MYO15B: variants seen among roughly 807,000 people sequenced by gnomAD.
MYO15B encodes myosin XVB pseudogene.
A neutral mutation model predicts 119.3 loss-of-function variants in MYO15B; 207 were observed. The ratio of observed to expected loss-of-function variants is 1.73; its 90% confidence interval spans 1.55 to 1.95. MYO15B has a LOEUF of 1.95. Ranked by LOEUF, MYO15B falls within the 30% of genes most tolerant of loss-of-function variation. MYO15B has a pLI of 0.00. For missense variants in MYO15B, 2,264 were observed against 1,203.1 expected (o/e 1.88, Z -13.04); for synonymous variants, 966 against 498.9 (o/e 1.94, Z -12.48).
rs557274623 is a variant in MYO15B, at chr17:75,610,403, C to A, written c.4386+144C>A. On this transcript the variant is annotated intron_variant, in intron 22 of 63. Transcript: ENST00000645453. ...AGACACAGTGCTCCTTGAACTCATC[C>A]CTTTTCCCTCCGGCCGGGGTAGGCC... 9.3e-6 allele frequency: 5 copies of A among 536,996 alleles called. No homozygotes were observed. In the South Asian group the frequency reaches 1.3e-4, roughly 14 times the overall value. 33.3% of individuals were successfully genotyped at this position (536,996 alleles called of 1,614,324 possible). A position where few individuals can be genotyped will look rare whatever the true frequency, so the allele number is the denominator to read the frequency against.
At chr17:75,588,266 C>T (rs2056188569) in exon 1 of MYO15B, 1 of 398,166 alleles carries the variant, frequency 2.5e-6, no homozygotes, top group Admixed American at 4.4e-5. Flanking sequence ...AGGAAGCCCA[C>T]TGCAGAGGGG....
intron 41 of MYO15B, chr17:75,617,597 CAT>C (rs1484122168): frequency 1.7e-6 from 1 of 588,314 alleles, no homozygotes; most frequent in African/African-American, 1.9e-5. Flanking sequence ...CTGACATGGT[CAT>C]AGAAGACCCA....
intron 12 of MYO15B, among the ~76,000 whole-genome samples, chr17:75,596,075 C>T (rs1163178093): frequency 6.6e-6 from 1 of 152,206 alleles, no homozygotes; most frequent in Non-Finnish European, 1.5e-5. Flanking sequence ...TGAGGGAGCA[C>T]TTCCTATAGG....
At chr17:75,617,062 G>A (rs1465385529) in intron 40 of MYO15B, 23 bp from the exon 41 acceptor site, 5 of 687,134 alleles carry the variant, frequency 7.3e-6, no homozygotes, top group African/African-American at 3.5e-5. Flanking sequence ...CTCAGCCCGT[G>A]TACTTTCTCC....
intron 60 of MYO15B, 48 bp downstream of exon 60, chr17:75,625,286 T>C: frequency 1.5e-6 from 1 of 663,576 alleles, no homozygotes; most frequent in Non-Finnish European, 2.8e-6. Flanking sequence ...TTCTCTAAGG[T>C]CAAGGCCATT....
exon 14 of MYO15B, chr17:75,596,863 C>T (rs1459004718): frequency 2.8e-6 from 2 of 702,772 alleles, no homozygotes; most frequent in Non-Finnish European, 5.2e-6. Flanking sequence ...CCCACAGCCT[C>T]CTGAGTATCC....
chr17:75,625,504 C>A (rs1178286235), intron 60 of MYO15B, 23 bp from the exon 61 acceptor site: 4 of 702,832 alleles, frequency 5.7e-6, no homozygotes, highest in Non-Finnish European at 5.2e-6. Context: ...AGGGGCCAAA[C>A]TGACCCTGGT....
chr17:75,605,792 C>T, intron 20 of MYO15B, 72 bp from the exon 21 acceptor site: 1 of 648,522 alleles, frequency 1.5e-6, no homozygotes, highest in Non-Finnish European at 2.8e-6. Flanking sequence ...AGGGAGGAGG[C>T]TGAGACCAGA....
rs1420970782 is a variant in MYO15B at position 75,623,943 on chromosome 17, C to T, written c.8157-6C>T. The T allele has an allele frequency of 1.4e-6, 1 of 703,030 alleles. No individual in the cohort carries two copies. The highest frequency in any genetic ancestry group is 2.6e-6 in the Non-Finnish European group (1 of 385,008). The allele number at this position is 703,030 out of a possible 1,614,324, so 43.5% of individuals were successfully genotyped here. A position where few individuals can be genotyped will look rare whatever the true frequency, so the allele number is the denominator to read the frequency against. ...CAGCCTGAAGCCCGAGCGCTCTGCC[C>T]TGCAGGGAACACTGCACTCGAGGCT... On this transcript the variant is annotated splice_polypyrimidine_tract_variant and splice_region_variant and intron_variant, in intron 54 of 63. Transcript: ENST00000645453.
exon 14 of MYO15B, chr17:75,596,881 C>T (rs1233501316): frequency 4.3e-6 from 3 of 702,036 alleles, no homozygotes; most frequent in African/African-American, 3.5e-5. Flanking sequence ...TCCTGGACGC[C>T]CAGACATGGC....
chr17:75,614,133 C>A lies in MYO15B; in HGVS notation c.5220-66C>A, dbSNP rs1161291954. On this transcript the variant is annotated intron_variant, in intron 29 of 63. Transcript: ENST00000645453. ...TCCTCAGCCCCCTGCCCCCTTGGCC[C>A]ACCCTGTGGTCCTTGCCCCCTTCTG... 6 of 681,382 alleles carry A rather than the reference C, an allele frequency of 8.8e-6. No homozygotes were observed. In the African/African-American group the frequency reaches 1.1e-4, roughly 12 times the overall value. The allele number at this position is 681,382 out of a possible 1,614,324, so 42.2% of individuals were successfully genotyped here. A position where few individuals can be genotyped will look rare whatever the true frequency, so the allele number is the denominator to read the frequency against.
exon 10 of MYO15B, chr17:75,594,552 A>C (rs989266610): frequency 1.5e-5 from 10 of 647,638 alleles, no homozygotes; most frequent in African/African-American, 1.8e-5. Context: ...GGGTACCACC[A>C]GAGTGCCTGG....
In MYO15B at chr17:75,618,020, C is replaced by A. The variant is rs2058483821; in HGVS notation, c.6927+98C>A. 16 of 691,800 alleles carry A rather than the reference C, an allele frequency of 2.3e-5. No individual in the cohort carries two copies. In the East Asian group the frequency reaches 3.8e-4, roughly 16 times the overall value. 42.9% of individuals were successfully genotyped at this position (691,800 alleles called of 1,614,324 possible). A position where few individuals can be genotyped will look rare whatever the true frequency, so the allele number is the denominator to read the frequency against. ...GCCTGGGACCCCAGCATCCCCTCCCCACAGCCCACCATCTCAAGGCTGATT... is the reference window on the plus strand; with the variant it reads ...GCCTGGGACCCCAGCATCCCCTCCCAACAGCCCACCATCTCAAGGCTGATT... On this transcript the variant is annotated intron_variant, in intron 42 of 63. Transcript: ENST00000645453.
intron 15 of MYO15B, among the ~76,000 whole-genome samples, chr17:75,601,988 C>T (rs2147851290): frequency 6.6e-6 from 1 of 152,274 alleles, no homozygotes; most frequent in Middle Eastern, 3.4e-3. Flanking sequence ...TCCCTTCCCC[C>T]TTCCGAGTTC....
At chr17:75,603,069 C>T in exon 18 of MYO15B, 1 of 703,376 alleles carries the variant, frequency 1.4e-6, no homozygotes. Flanking sequence ...CACCCCTAAC[C>T]CTGGAAAGGT....
At chr17:75,618,925 AG>A in intron 43 of MYO15B, 2 of 588,916 alleles carry the variant, frequency 3.4e-6, no homozygotes, top group Non-Finnish European at 6.0e-6. Flanking sequence ...GAGGGCTGGC[AG>A]TTGCAGGGGA....
chr17:75,616,014 T>C (rs1353041343), intron 36 of MYO15B, 55 bp from the exon 37 acceptor site: 7 of 585,106 alleles, frequency 1.2e-5, no homozygotes, highest in Non-Finnish European at 1.8e-5. Context: ...CCGAGGGGTG[T>C]GGCGAGTGTG....
rs745788271 is a variant in MYO15B, at chr17:75,601,442, C to G, written c.3530C>G (p.Thr1177Arg). The stretch of plus-strand genomic sequence containing the variant: ...AGCTCATGGCTCCTCTCCTAGGCCA[C>G]GGACCACACCTTCCTCCAGAAGAGC... Residue 1177 changes from threonine to arginine, a missense_variant, in exon 15 of 64, where the codon ACG becomes AGG. Coordinates refer to ENST00000645453, the Ensembl canonical transcript of MYO15B. The G allele has an allele frequency of 3.8e-5, 27 of 703,022 alleles. No homozygotes were observed. The South Asian group carries it at 3.8e-4, about 10-fold the overall frequency. The allele number at this position is 703,022 out of a possible 1,614,324, so 43.5% of individuals were successfully genotyped here. A position where few individuals can be genotyped will look rare whatever the true frequency, so the allele number is the denominator to read the frequency against.
At chr17:75,625,435 C>T in intron 60 of MYO15B, 92 bp from the exon 61 acceptor site, 2 of 677,040 alleles carry the variant, frequency 3.0e-6, no homozygotes, top group South Asian at 1.6e-5. Flanking sequence ...CTAGTCTTGC[C>T]CACAATAGGC....
Sources: gnomAD v4.1 joint callset for allele counts (sites outside exome capture counted in the v4.1 genomes callset) on GRCh38, gnomAD v4.1.1 for gene constraint, MANE v1.5 for transcripts, NCBI Gene and HGNC (gene_info 2026-07-23, HGNC 2026-07-21) for gene names.